MRPL40: variants seen among roughly 807,000 people sequenced by gnomAD.
MRPL40 encodes the protein mitochondrial ribosomal protein L40.
A neutral mutation model predicts 24.5 loss-of-function variants in MRPL40; 18 were observed. The observed-to-expected ratio is 0.73, with a 90% CI of 0.51 to 1.09. MRPL40 has a LOEUF of 1.09. Among genes scored for constraint, MRPL40 ranks in the 50% least tolerant of loss-of-function variants. The pLI, the probability that MRPL40 is intolerant of heterozygous loss-of-function variation, is 0.00. For missense variants in MRPL40, 256 were observed against 243.8 expected (o/e 1.05, Z -0.33); for synonymous variants, 108 against 94.6 (o/e 1.14, Z -0.82).
At chr22:19,433,060 C>T in intron 1 of MRPL40, 1 of 516,332 alleles carries the variant, frequency 1.9e-6, no homozygotes, top group Non-Finnish European at 3.3e-6. Flanking sequence ...CCGAGTAGCT[C>T]GGATTACAGG....
chr22:19,432,715 A>T (rs1433448332), intron 1 of MRPL40, 108 bp downstream of exon 1: 7 of 1,442,400 alleles, frequency 4.9e-6, no homozygotes, highest in Admixed American at 5.3e-5. Flanking sequence ...CCAGTCCACG[A>T]ATATCTCAGG....
chr22:19,432,845 T>C, intron 1 of MRPL40: 2 of 1,355,010 alleles, frequency 1.5e-6, no homozygotes, highest in Non-Finnish European at 1.9e-6. Flanking sequence ...CACGTTGACC[T>C]TGCTGTCATA....
At position 19,435,928 on chromosome 22, in the gene MRPL40, C is replaced by T. The variant is rs1418064631; in HGVS notation, c.587C>T (p.Thr196Ile). The T allele has an allele frequency of 6.2e-7, 1 of 1,614,084 alleles. No individual in the cohort carries two copies. The highest frequency in any genetic ancestry group is 1.7e-5 in the Admixed American group (1 of 60,020). The stretch of plus-strand genomic sequence containing the variant: ...CCTGAAGGCAGGTACAATGACATCA[C>T]CAAGGTGTACACACAAGTGGAGTTT... ...QPPEGRYNDI[T>I]KVYTQVEFKR Residue 196 changes from threonine (T) to isoleucine (I), a missense_variant, in exon 4 of 4, where the codon ACC (threonine) becomes ATC (isoleucine). Coordinates refer to ENST00000333130, the MANE Select transcript of MRPL40 (RefSeq NM_003776.4).
intron 1 of MRPL40, chr22:19,432,814 GA>G (rs2089556192): frequency 1.5e-6 from 2 of 1,357,636 alleles, no homozygotes; most frequent in African/African-American, 3.0e-5. Flanking sequence ...TGGTCTGAAC[GA>G]AAGATTTTGA....
chr22:19,433,343 C>T lies in MRPL40; in HGVS notation c.132C>T (p.Pro44=). 1.2e-6 allele frequency: 2 copies of T among 1,604,766 alleles called. No homozygotes were observed. Among genetic ancestry groups the T allele is most frequent in the East Asian group, 2.2e-5 (1 of 44,796 alleles). Residue 44 remains proline (P), a synonymous_variant, in exon 2 of 4, where the codon CCC becomes CCT. Coordinates refer to ENST00000333130, the MANE Select transcript of MRPL40 (RefSeq NM_003776.4). ...ASLLSFWELI[P]MRSEPLRKKK... is the part of the protein sequence containing the mutation. ...TGTTGTCTTTCTGGGAACTCATTCCCATGAGGTAAAACTCAATCGAGGGCC... is the reference window on the plus strand; with the variant it reads ...TGTTGTCTTTCTGGGAACTCATTCCTATGAGGTAAAACTCAATCGAGGGCC...
At position 19,434,129 on chromosome 22, in the gene MRPL40, A is replaced by T. The variant is rs572276355; in HGVS notation, c.138-607A>T. ...TAACAGTTTGGTATTTTCACTTTTGAGTGTAATCCCAAGGCACACCTGAAT... is the reference window on the plus strand; with the variant it reads ...TAACAGTTTGGTATTTTCACTTTTGTGTGTAATCCCAAGGCACACCTGAAT... On this transcript the variant is annotated intron_variant, in intron 2 of 3. Coordinates refer to ENST00000333130, the MANE Select transcript of MRPL40 (RefSeq NM_003776.4). Among the ~76,000 whole-genome samples, 21 of 150,838 alleles carry T rather than the reference A, an allele frequency of 1.4e-4. No individual in the cohort carries two copies. The South Asian group carries it at 4.4e-3, about 32-fold the overall frequency.
Position 19,433,266 on chromosome 22 carries a change from C to T in MRPL40, c.55C>T (p.Leu19Phe). The T allele has an allele frequency of 6.2e-7, 1 of 1,607,222 alleles. No homozygotes were observed. The highest frequency in any genetic ancestry group is 1.1e-5 in the South Asian group (1 of 90,914). The change falls in exon 2 of 4, where the codon CTT becomes TTT. Residue 19 changes from leucine to phenylalanine, a missense_variant and splice_region_variant. Physicochemically the swap from Leu to Phe is conservative, Grantham distance 22. Coordinates refer to ENST00000333130, the MANE Select transcript of MRPL40 (RefSeq NM_003776.4). Reference sequence around the variant, plus strand: ...TATACATACTCTTGTATCTTTCAGGCTTCTGGGAACTTGGCAGACGCAGCT... The same window carrying T: ...TATACATACTCTTGTATCTTTCAGGTTTCTGGGAACTTGGCAGACGCAGCT... ...ISLALRPTSG[L>F]LGTWQTQLRE... is the part of the protein sequence containing the mutation.
At position 19,435,999 on chromosome 22, in the gene MRPL40, G is replaced by C; in HGVS notation, c.*37G>C. ...GCTATCCTTAACATGCTGCCCCTGA[G>C]AGTAGGAATGACCAGGGTTCAAGTC... On this transcript the variant is annotated 3_prime_UTR_variant, in exon 4 of 4. Coordinates refer to ENST00000333130, the MANE Select transcript of MRPL40 (RefSeq NM_003776.4). 2.6e-6 allele frequency: 4 copies of C among 1,522,986 alleles called. No homozygotes were observed. The highest frequency in any genetic ancestry group is 2.7e-6 in the Non-Finnish European group (3 of 1,109,696). The allele number at this position is 1,522,986 out of a possible 1,614,324, so 94.3% of individuals were successfully genotyped here.
At position 19,434,376 on chromosome 22, in the gene MRPL40, C is replaced by T. The variant is rs2089572922; in HGVS notation, c.138-360C>T. On this transcript the variant is annotated intron_variant, in intron 2 of 3. Coordinates refer to ENST00000333130, the MANE Select transcript of MRPL40 (RefSeq NM_003776.4). ...AAGCTGGGATTACAGGTGCGCACCA[C>T]CACACCCAGCTAATTTTTGTATTTT... 2.0e-5 allele frequency among the ~76,000 whole-genome samples: 3 copies of T among 151,974 alleles called. 1 individual carries two copies. In the South Asian group the frequency reaches 6.2e-4, roughly 32 times the overall value.
At position 19,435,774 on chromosome 22, in the gene MRPL40, G is replaced by A; in HGVS notation, c.433G>A (p.Glu145Lys). 1 of 1,614,164 alleles carries A rather than the reference G, an allele frequency of 6.2e-7. No individual in the cohort carries two copies. The highest frequency in any genetic ancestry group is 8.5e-7 in the Non-Finnish European group (1 of 1,180,010). The change falls in exon 4 of 4, where the codon GAA becomes AAA. Residue 145 changes from glutamate to lysine, a missense_variant. Physicochemically the swap from Glu to Lys is moderately conservative, Grantham distance 56 (BLOSUM62 1). Coordinates refer to ENST00000333130, the MANE Select transcript of MRPL40 (RefSeq NM_003776.4). ...CAGGGCTATGCTAGAAGCCCAGCAG[G>A]AAGCTCTGGAGGAACTGCAACTGGA... is the stretch of plus-strand genomic sequence containing the variant. ...TIRAMLEAQQ[E>K]ALEELQLESP... is the part of the protein sequence containing the mutation.
rs113315821 is a variant in MRPL40 at position 19,435,892 on chromosome 22, A to G, written c.551A>G (p.Asn184Ser). 6.2e-7 allele frequency: 1 copy of G among 1,614,174 alleles called. No homozygotes were observed. Among genetic ancestry groups the G allele is most frequent in the African/African-American group, 1.3e-5 (1 of 75,042 alleles). Residue 184 changes from asparagine (N) to serine (S), a missense_variant, in exon 4 of 4, where the codon AAC (asparagine) becomes AGC (serine). Transcript: ENST00000333130. ...CCACATTACACACCACCGATCCCTA[A>G]CTACCAACCCCCTGAAGGCAGGTAC... ...EGPHYTPPIP[N>S]YQPPEGRYND...
intron 1 of MRPL40, chr22:19,432,930 A>G (rs769852166): frequency 4.4e-6 from 5 of 1,128,944 alleles, no homozygotes; most frequent in South Asian, 2.2e-5. Context: ...AGAGAATCAG[A>G]TATTTATTTA....
In MRPL40 at chr22:19,435,899, A is replaced by G. The variant is rs529522298; in HGVS notation, c.558A>G (p.Gln186=). Residue 186 remains glutamine (Q), a synonymous_variant, in exon 4 of 4, where the codon CAA becomes CAG. Transcript: ENST00000333130. ...PHYTPPIPNY[Q]PPEGRYNDIT... The stretch of plus-strand genomic sequence containing the variant: ...ACACACCACCGATCCCTAACTACCA[A>G]CCCCCTGAAGGCAGGTACAATGACA... 2.5e-5 allele frequency: 40 copies of G among 1,613,860 alleles called. No individual in the cohort carries two copies. In the South Asian group the frequency reaches 3.7e-4, roughly 15 times the overall value.
At chr22:19,434,462 A>G (rs2089573522) in intron 2 of MRPL40, among the ~76,000 whole-genome samples, 1 of 151,564 alleles carries the variant, frequency 6.6e-6, no homozygotes, top group Admixed American at 6.6e-5. Context: ...ACCTTGGGCA[A>G]TCTGCCCGCC....
intron 2 of MRPL40, among the ~76,000 whole-genome samples, chr22:19,434,369 C>A (rs184214473): frequency 1.3e-5 from 2 of 151,788 alleles, no homozygotes; most frequent in Non-Finnish European, 2.9e-5. Flanking sequence ...ATTACAGGTG[C>A]GCACCACCAC....
At chr22:19,434,216 C>CTTTTTT (rs35856980) in intron 2 of MRPL40, among the ~76,000 whole-genome samples, 10 of 85,298 alleles carry the variant, frequency 1.2e-4, no homozygotes, top group Non-Finnish European at 1.9e-4. Context: ...TGCTTTTGTA[C>CTTTTTT]TTTTTTTTTT....
Position 19,435,910 on chromosome 22 carries a change from G to T in MRPL40, c.569G>T (p.Gly190Val), listed in dbSNP as rs771914259. 2.6e-5 allele frequency: 42 copies of T among 1,613,998 alleles called. No individual in the cohort carries two copies. The highest frequency in any genetic ancestry group is 3.5e-5 in the Non-Finnish European group (41 of 1,180,026). The change falls in exon 4 of 4, where the codon GGC (glycine) becomes GTC (valine). Residue 190 changes from glycine to valine, a missense_variant. Physicochemically the swap from Gly to Val is moderately radical, Grantham distance 109. Transcript: ENST00000333130. ...PPIPNYQPPE[G>V]RYNDITKVYT... ...ATCCCTAACTACCAACCCCCTGAAG[G>T]CAGGTACAATGACATCACCAAGGTG...
At chr22:19,433,238 A>G (rs1390716780) in intron 1 of MRPL40, 27 bp from the exon 2 acceptor site, 2 of 1,537,014 alleles carry the variant, frequency 1.3e-6, no homozygotes, top group Admixed American at 1.7e-5. Context: ...AGAAGCAGAT[A>G]TTTATACATA....
chr22:19,432,867 G>T, intron 1 of MRPL40: 1 of 1,343,448 alleles, frequency 7.4e-7, no homozygotes, highest in Non-Finnish European at 9.5e-7. Context: ...CAAGTAGTTA[G>T]AAGTGCCCCG....
Sources: allele counts gnomAD v4.1 joint callset (sites outside exome capture counted in the v4.1 genomes callset), GRCh38; gene constraint gnomAD v4.1.1; transcripts MANE v1.5; gene names NCBI Gene and HGNC (gene_info 2026-07-23, HGNC 2026-07-21).